The following SUCLG1 variants were observed in gnomAD, a reference collection of about 807,000 sequenced individuals.
SUCLG1 encodes the protein succinate--CoA ligase [ADP/GDP-forming] subunit alpha, mitochondrial.
A neutral mutation model predicts 37.3 loss-of-function variants in SUCLG1; 26 were observed. The ratio of observed to expected loss-of-function variants is 0.70; its 90% CI spans 0.51 to 0.97. The LOEUF is 0.97. SUCLG1 is among the 50% of genes least tolerant of loss of function. SUCLG1 has a pLI of 0.00. For synonymous variants in SUCLG1, 163 were observed against 155.6 expected, an observed-to-expected ratio of 1.05 and a Z score of -0.36; for missense variants, 433 against 432.9, an observed-to-expected ratio of 1.00 and a Z score of 0.00.
intron 5 of SUCLG1, among the ~76,000 whole-genome samples, chr2:84,438,487 A>G (rs1672721811): frequency 6.6e-6 from 1 of 152,234 alleles, no homozygotes. Context: ...CCATTACACT[A>G]TTATACTGCT....
intron 1 of SUCLG1, among the ~76,000 whole-genome samples, chr2:84,455,215 T>C (rs948288681): frequency 1.3e-5 from 2 of 152,168 alleles, no homozygotes; most frequent in African/African-American, 4.8e-5. Flanking sequence ...TAAAACACCA[T>C]TGATTTTTAA....
intron 1 of SUCLG1, among the ~76,000 whole-genome samples, chr2:84,451,527 T>C (rs1172413257): frequency 6.6e-6 from 1 of 152,236 alleles, no homozygotes; most frequent in Admixed American, 6.5e-5. Flanking sequence ...TCTGTGTCCC[T>C]AAAGCACAGC....
Position 84,425,591 on chromosome 2 carries a change from T to G in SUCLG1, c.838A>C (p.Lys280Gln). Residue 280 changes from lysine to glutamine, a missense_variant, in exon 8 of 9, where the codon AAG becomes CAG. Coordinates refer to ENST00000393868, the MANE Select transcript of SUCLG1 (RefSeq NM_003849.4). ...CCAGCAATGAAGGACACTACAGGCT[T>G]GGAATTTGGACCCTAGAAAGAAAGT... ...LKQHNSGPNS[K>Q]PVVSFIAGLT... 1 of 1,614,226 alleles carries G rather than the reference T, an allele frequency of 6.2e-7. No homozygotes were observed. The highest frequency in any genetic ancestry group is 8.5e-7 in the Non-Finnish European group (1 of 1,180,034).
intron 5 of SUCLG1, among the ~76,000 whole-genome samples, chr2:84,438,264 G>C (rs570166603): frequency 5.5e-4 from 83 of 152,178 alleles, no homozygotes; most frequent in Non-Finnish European, 1.1e-3. Flanking sequence ...TGAATTTATA[G>C]TTATCTCAAT....
Position 84,441,386 on chromosome 2 carries a change from T to G in SUCLG1, c.392A>C (p.Glu131Ala). The change falls in exon 4 of 9, where the codon GAA becomes GCA. Residue 131 changes from glutamate to alanine, a missense_variant. Coordinates refer to ENST00000393868, the MANE Select transcript of SUCLG1 (RefSeq NM_003849.4). ...CAAGGGAATTTCTGCCTCAATAGCT[T>G]CATTAATGGCAGCAGCAGCAAAAGG... ...PPPFAAAAIN[E>A]AIEAEIPLVV... 1 of 1,614,162 alleles carries G rather than the reference T, an allele frequency of 6.2e-7. No homozygotes were observed. Among genetic ancestry groups the G allele is most frequent in the Non-Finnish European group, 8.5e-7 (1 of 1,180,026 alleles).
rs1370330089 is a variant in SUCLG1, at chr2:84,425,579, A to G, written c.850T>C (p.Ser284Pro). ...GGAGCAGTTAAACCAGCAATGAAGG[A>G]CACTACAGGCTTGGAATTTGGACCC... ...NSGPNSKPVVSFIAGLTAPPG... is the reference protein window; with the variant it reads ...NSGPNSKPVVPFIAGLTAPPG... Residue 284 changes from serine to proline, a missense_variant, in exon 8 of 9, where the codon TCC becomes CCC. Transcript: ENST00000393868. The G allele has an allele frequency of 6.2e-7, 1 of 1,614,250 alleles. No homozygotes were observed. Among genetic ancestry groups the G allele is most frequent in the Admixed American group, 1.7e-5 (1 of 60,028 alleles).
At chr2:84,442,722 T>C (rs1672793788) in intron 3 of SUCLG1, among the ~76,000 whole-genome samples, 1 of 152,216 alleles carries the variant, frequency 6.6e-6, no homozygotes, top group Non-Finnish European at 1.5e-5. Context: ...TTGCGGAGAA[T>C]CTAGGACACT....
At chr2:84,451,436 T>C (rs985725687) in intron 1 of SUCLG1, among the ~76,000 whole-genome samples, 6 of 152,232 alleles carry the variant, frequency 3.9e-5, no homozygotes, top group South Asian at 2.1e-4. Flanking sequence ...AGTACTCTTA[T>C]ACTCACTAAC....
chr2:84,441,389 T>C lies in SUCLG1; in HGVS notation c.389A>G (p.Asn130Ser), dbSNP rs1672770848. The change falls in exon 4 of 9, where the codon AAT becomes AGT. Residue 130 changes from asparagine (N) to serine (S), a missense_variant. Physicochemically the swap from Asn to Ser is conservative, Grantham distance 46. Transcript: ENST00000393868. ...GGGAATTTCTGCCTCAATAGCTTCA[T>C]TAATGGCAGCAGCAGCAAAAGGCGG... ...VPPPFAAAAI[N>S]EAIEAEIPLV... 6.2e-7 allele frequency: 1 copy of C among 1,614,080 alleles called. No individual in the cohort carries two copies. The highest frequency in any genetic ancestry group is 1.7e-5 in the Admixed American group (1 of 60,000).
intron 2 of SUCLG1, among the ~76,000 whole-genome samples, chr2:84,446,887 C>T (rs146089678): frequency 0.011 from 1,670 of 152,184 alleles, 26 homozygotes; most frequent in Middle Eastern, 0.058. Flanking sequence ...GCTACAGACA[C>T]TGAGAAGCAC....
At chr2:84,430,736 C>A (rs1187717679) in intron 7 of SUCLG1, among the ~76,000 whole-genome samples, 2 of 152,144 alleles carry the variant, frequency 1.3e-5, no homozygotes, top group African/African-American at 4.8e-5. Flanking sequence ...GAAAAATTTT[C>A]ACTCATTCCT....
chr2:84,458,949 A>G (rs1408078060), intron 1 of SUCLG1, among the ~76,000 whole-genome samples: 2 of 152,118 alleles, frequency 1.3e-5, no homozygotes, highest in African/African-American at 2.4e-5. Context: ...CAGCCACCCA[A>G]TATCTCCATC....
intron 7 of SUCLG1, chr2:84,426,321 C>T (rs1672535207): frequency 6.7e-6 from 1 of 149,242 alleles, no homozygotes; most frequent in African/African-American, 2.5e-5. Flanking sequence ...GTACTCTAGA[C>T]ATGCAAAGTA....
At chr2:84,444,730 C>A (rs1672824208) in intron 2 of SUCLG1, among the ~76,000 whole-genome samples, 1 of 152,124 alleles carries the variant, frequency 6.6e-6, no homozygotes, top group African/African-American at 2.4e-5. Context: ...CCTACAGCTG[C>A]AACCACAAAA....
intron 7 of SUCLG1, 108 bp from the exon 8 acceptor site, chr2:84,425,711 G>T: frequency 8.1e-7 from 1 of 1,241,366 alleles, no homozygotes; most frequent in Non-Finnish European, 1.2e-6. Context: ...GCAGGGGAAA[G>T]CCCACCATTC....
chr2:84,433,306 G>T, intron 6 of SUCLG1, 46 bp downstream of exon 6: 1 of 1,465,892 alleles, frequency 6.8e-7, no homozygotes, highest in African/African-American at 1.4e-5. Flanking sequence ...CTCATCCAAT[G>T]AAGACACCAC....
intron 7 of SUCLG1, among the ~76,000 whole-genome samples, chr2:84,429,096 C>T (rs4831970): frequency 0.81 from 123,213 of 152,222 alleles, 52,686 homozygotes; most frequent in Non-Finnish European, 0.93. Flanking sequence ...TCATGTTTAT[C>T]GAGTGTTTAC....
intron 1 of SUCLG1, among the ~76,000 whole-genome samples, chr2:84,454,052 A>C (rs1672983537): frequency 6.6e-6 from 1 of 152,038 alleles, no homozygotes; most frequent in Non-Finnish European, 1.5e-5. Flanking sequence ...ATATGAAATT[A>C]CTCCTTAAAT....
chr2:84,459,066 C>T, intron 1 of SUCLG1, 107 bp downstream of exon 1: 4 of 1,183,546 alleles, frequency 3.4e-6, no homozygotes, highest in Non-Finnish European at 4.6e-6. Flanking sequence ...CCCAGGCCCC[C>T]GCCGAGGTCC....
Sources: gnomAD v4.1 joint callset for allele counts (sites outside exome capture counted in the v4.1 genomes callset) on GRCh38, gnomAD v4.1.1 for gene constraint, MANE v1.5 for transcripts, NCBI Gene and HGNC (gene_info 2026-07-23, HGNC 2026-07-21) for gene names.